PDS5B: variants seen among roughly 807,000 people sequenced by gnomAD.
PDS5B encodes PDS5 cohesin associated factor B.
PDS5B carries 51 observed loss-of-function variants against 184.1 expected under a neutral mutation model. The observed-to-expected ratio is 0.28, with a 90% CI of 0.22 to 0.35. The LOEUF (loss-of-function observed/expected upper bound fraction) is 0.35. Ranked by LOEUF, PDS5B falls within the 10% of genes least tolerant of loss-of-function variation. The pLI is 1.00. For synonymous variants in PDS5B, 566 were observed against 569.2 expected (o/e 0.99, Z 0.08); for missense variants, 1,180 against 1,723.3 (o/e 0.68, Z 5.58).
At chr13:32,597,660 A>G (rs1396504319) in intron 1 of PDS5B, among the ~76,000 whole-genome samples, 2 of 151,944 alleles carry the variant, frequency 1.3e-5, no homozygotes, top group Admixed American at 1.3e-4. Flanking sequence ...ATCCTGGCTA[A>G]CATGGTGAAA....
chr13:32,672,219 A>T (rs562712690), intron 7 of PDS5B, among the ~76,000 whole-genome samples: 1 of 152,352 alleles, frequency 6.6e-6, no homozygotes, highest in African/African-American at 2.4e-5. Flanking sequence ...TTTCAAACAT[A>T]GAATTGCCTT....
Position 32,596,105 on chromosome 13 carries a change from G to C in PDS5B, c.-20+9512G>C, listed in dbSNP as rs546663269. Among the ~76,000 whole-genome samples, 8 of 152,246 alleles carry C rather than the reference G, an allele frequency of 5.3e-5. No homozygotes were observed. In the East Asian group the frequency reaches 1.3e-3, roughly 26 times the overall value. ...TAATTAAAATACAGTAAAATGTGCA[G>C]ATCTTAGCTGTTCACTTTGATGAGG... is the stretch of plus-strand genomic sequence containing the variant. On this transcript the variant is annotated intron_variant, in intron 1 of 34. Coordinates refer to ENST00000315596, the MANE Select transcript of PDS5B (RefSeq NM_015032.4).
chr13:32,713,715 CAGT>C (rs1952278590), intron 19 of PDS5B, among the ~76,000 whole-genome samples: 1 of 151,850 alleles, frequency 6.6e-6, no homozygotes, highest in East Asian at 1.9e-4. Context: ...TTGGAGAAGA[CAGT>C]AGAATAATGG....
chr13:32,707,090 T>C (rs746919919), intron 18 of PDS5B, 51 bp downstream of exon 18: 6 of 926,164 alleles, frequency 6.5e-6, no homozygotes, highest in African/African-American at 1.7e-5. Context: ...GTTTAACATA[T>C]ACAGTTTATA....
chr13:32,599,197 A>G (rs1205767233), intron 1 of PDS5B, among the ~76,000 whole-genome samples: 1 of 152,202 alleles, frequency 6.6e-6, no homozygotes, highest in Non-Finnish European at 1.5e-5. Flanking sequence ...CATATTGAGT[A>G]GGATAAAGTT....
intron 9 of PDS5B, among the ~76,000 whole-genome samples, chr13:32,677,359 A>T (rs1239596188): frequency 1.3e-5 from 2 of 152,056 alleles, no homozygotes; most frequent in Middle Eastern, 6.8e-3. Context: ...ATTAGCTGGG[A>T]TGTATTTTAT....
At chr13:32,707,268 A>G (rs559047617) in intron 18 of PDS5B, among the ~76,000 whole-genome samples, 1 of 152,134 alleles carries the variant, frequency 6.6e-6, no homozygotes, top group Non-Finnish European at 1.5e-5. Context: ...AAAATAGTGG[A>G]GTATAATTCA....
At chr13:32,603,769 G>T (rs1413832847) in intron 1 of PDS5B, among the ~76,000 whole-genome samples, 2 of 152,190 alleles carry the variant, frequency 1.3e-5, no homozygotes, top group African/African-American at 2.4e-5. Context: ...TTGAGCAGTG[G>T]TTTGTAGTTC....
chr13:32,685,757 C>G (rs187357837), intron 11 of PDS5B, among the ~76,000 whole-genome samples: 219 of 152,262 alleles, frequency 1.4e-3, no homozygotes, highest in Non-Finnish European at 2.0e-3. Flanking sequence ...GTCCTCCCAC[C>G]TCAGCCTCCT....
chr13:32,644,856 T>C (rs1041678718), intron 1 of PDS5B, among the ~76,000 whole-genome samples: 23 of 152,192 alleles, frequency 1.5e-4, no homozygotes, highest in African/African-American at 5.3e-4. Context: ...TGATTTTCTT[T>C]TTAAGCCTGT....
At chr13:32,651,516 T>C (rs935194385) in intron 2 of PDS5B, among the ~76,000 whole-genome samples, 4 of 152,212 alleles carry the variant, frequency 2.6e-5, no homozygotes, top group Admixed American at 1.3e-4. Flanking sequence ...TCCACAAATA[T>C]TCTATTGGAA....
chr13:32,703,369 G>T (rs1250525318), intron 17 of PDS5B, among the ~76,000 whole-genome samples: 2 of 152,146 alleles, frequency 1.3e-5, no homozygotes, highest in Non-Finnish European at 2.9e-5. Context: ...CAAAGAGACT[G>T]AAAACCAGGA....
At chr13:32,604,822 A>G (rs1181455701) in intron 1 of PDS5B, among the ~76,000 whole-genome samples, 1 of 152,170 alleles carries the variant, frequency 6.6e-6, no homozygotes, top group African/African-American at 2.4e-5. Context: ...GTGTCCAGGA[A>G]TTTATCCATT....
intron 1 of PDS5B, among the ~76,000 whole-genome samples, chr13:32,593,719 T>C (rs559289540): frequency 6.0e-4 from 92 of 152,304 alleles, no homozygotes; most frequent in Non-Finnish European, 8.7e-4. Context: ...ATATATTTGC[T>C]ATTCATTAAG....
At chr13:32,624,204 T>C (rs2058341072) in intron 1 of PDS5B, among the ~76,000 whole-genome samples, 1 of 152,214 alleles carries the variant, frequency 6.6e-6, no homozygotes, top group South Asian at 2.1e-4. Flanking sequence ...CCCCAAATTA[T>C]ACATGCTATT....
chr13:32,714,591 G>A (rs191003009), intron 19 of PDS5B, among the ~76,000 whole-genome samples: 5 of 152,228 alleles, frequency 3.3e-5, no homozygotes, highest in Admixed American at 2.0e-4. Context: ...CTCCAGGTGC[G>A]TATTCTCTTT....
intron 7 of PDS5B, among the ~76,000 whole-genome samples, chr13:32,672,138 C>T (rs936522701): frequency 1.3e-5 from 2 of 151,626 alleles, no homozygotes; most frequent in African/African-American, 4.8e-5. Context: ...TAGATATGTA[C>T]ACATCAGAAT....
At chr13:32,683,662 A>G (rs968448145) in intron 10 of PDS5B, among the ~76,000 whole-genome samples, 1 of 152,160 alleles carries the variant, frequency 6.6e-6, no homozygotes, top group Admixed American at 6.5e-5. Flanking sequence ...TACCAAATGG[A>G]GAGGAGGCTG....
chr13:32,599,273 T>G (rs1188293115), intron 1 of PDS5B, among the ~76,000 whole-genome samples: 1 of 152,054 alleles, frequency 6.6e-6, no homozygotes, highest in Admixed American at 6.6e-5. Flanking sequence ...TTATTTTTAT[T>G]TTTTTTGCGA....
Sources: gnomAD v4.1 joint callset for allele counts (sites outside exome capture counted in the v4.1 genomes callset) on GRCh38, gnomAD v4.1.1 for gene constraint, MANE v1.5 for transcripts, NCBI Gene and HGNC (gene_info 2026-07-23, HGNC 2026-07-21) for gene names.